Variants in ROR1 observed in about 807,000 individuals in gnomAD.
ROR1 encodes inactive tyrosine-protein kinase transmembrane receptor ROR1.
ROR1 carries 19 observed loss-of-function variants against 78.8 expected under a neutral mutation model. That is an observed-to-expected ratio of 0.24 (90% CI 0.17 to 0.35). The LOEUF (loss-of-function observed/expected upper bound fraction) is 0.35. ROR1 is among the 10% of genes least tolerant of loss of function. The probability of loss-of-function intolerance (pLI) is 1.00; values close to 1 mark genes in which losing one functional copy is unlikely to be tolerated. For synonymous variants in ROR1, 386 were observed against 433.6 expected (o/e 0.89, Z 1.36); for missense variants, 917 against 1,177.8 (o/e 0.78, Z 3.24).
At chr1:63,789,674 C>CTTTT (rs902307163) in intron 1 of ROR1, among the ~76,000 whole-genome samples, 19 of 102,598 alleles carry the variant, frequency 1.9e-4, no homozygotes, top group Admixed American at 3.1e-4. Flanking sequence ...CCTTCCTCTC[C>CTTTT]TTTTTTTTTT....
intron 1 of ROR1, among the ~76,000 whole-genome samples, chr1:63,806,539 G>A (rs535604521): frequency 1.6e-4 from 25 of 152,122 alleles, no homozygotes; most frequent in East Asian, 1.9e-4. Flanking sequence ...GGATGGTCTC[G>A]ATCTCCTGAC....
intron 1 of ROR1, among the ~76,000 whole-genome samples, chr1:63,909,707 T>TC (rs1168063762): frequency 1.3e-5 from 2 of 151,980 alleles, no homozygotes; most frequent in Non-Finnish European, 2.9e-5. Context: ...CCAGTTTTCT[T>TC]TTTTTTTAAA....
intron 1 of ROR1, among the ~76,000 whole-genome samples, chr1:63,964,396 C>T (rs776922079): frequency 5.3e-5 from 8 of 152,166 alleles, no homozygotes; most frequent in Non-Finnish European, 1.2e-4. Flanking sequence ...CATACATATA[C>T]CTACATATGT....
At chr1:64,082,520 C>T (rs1647112364) in intron 4 of ROR1, among the ~76,000 whole-genome samples, 1 of 152,158 alleles carries the variant, frequency 6.6e-6, no homozygotes, top group African/African-American at 2.4e-5. Context: ...TGAGATCTCT[C>T]TTCAAGAAAA....
At chr1:64,073,551 A>C (rs957550441) in intron 4 of ROR1, among the ~76,000 whole-genome samples, 1 of 152,302 alleles carries the variant, frequency 6.6e-6, no homozygotes, top group East Asian at 1.9e-4. Context: ...TTTCCACTAG[A>C]AATTCCCCAG....
chr1:64,177,244 G>A (rs900584228), intron 8 of ROR1, among the ~76,000 whole-genome samples, 184 bp from the exon 9 acceptor site: 8 of 152,216 alleles, frequency 5.3e-5, no homozygotes, highest in Non-Finnish European at 8.8e-5. Context: ...GGGTAGTGAT[G>A]GAAAGTTGTC....
At chr1:64,119,596 G>A (rs983619460) in intron 4 of ROR1, among the ~76,000 whole-genome samples, 18 of 143,228 alleles carry the variant, frequency 1.3e-4, no homozygotes, top group Admixed American at 5.9e-4. Flanking sequence ...CCCAGACTGC[G>A]CCATTGCACT....
chr1:63,944,267 C>T (rs1349656481), intron 1 of ROR1, among the ~76,000 whole-genome samples: 4 of 152,134 alleles, frequency 2.6e-5, no homozygotes, highest in African/African-American at 4.8e-5. Flanking sequence ...TACAGATTTC[C>T]CATTAAAAGG....
intron 1 of ROR1, among the ~76,000 whole-genome samples, chr1:63,972,088 T>A (rs1250798730): frequency 6.6e-6 from 1 of 152,210 alleles, no homozygotes; most frequent in East Asian, 1.9e-4. Flanking sequence ...AGTTTTTTCT[T>A]AGCACTCTAC....
At chr1:63,849,512 A>C (rs1448849107) in intron 1 of ROR1, among the ~76,000 whole-genome samples, 1 of 152,132 alleles carries the variant, frequency 6.6e-6, no homozygotes, top group African/African-American at 2.4e-5. Flanking sequence ...AGCCTTGGCA[A>C]CATAGTGACA....
chr1:64,117,401 A>G (rs929720391), intron 4 of ROR1, among the ~76,000 whole-genome samples: 2 of 152,186 alleles, frequency 1.3e-5, no homozygotes, highest in Non-Finnish European at 2.9e-5. Flanking sequence ...TCAATTTTCA[A>G]TTTGGCTTGG....
chr1:63,907,616 A>G (rs1176406820), intron 1 of ROR1, among the ~76,000 whole-genome samples: 1 of 152,222 alleles, frequency 6.6e-6, no homozygotes, highest in Non-Finnish European at 1.5e-5. Context: ...TCTAAAGTTC[A>G]CTGAGCCTTT....
At chr1:63,864,796 C>CTTT (rs757581149) in intron 1 of ROR1, among the ~76,000 whole-genome samples, 40 of 138,070 alleles carry the variant, frequency 2.9e-4, no homozygotes, top group African/African-American at 8.7e-4. Context: ...ATCTTTCAAT[C>CTTT]TTTTTTTTTT....
chr1:64,090,606 C>T (rs936393326), intron 4 of ROR1, among the ~76,000 whole-genome samples: 17 of 152,160 alleles, frequency 1.1e-4, no homozygotes, highest in African/African-American at 4.1e-4. Context: ...TCCGACCCCA[C>T]GTGGCCATTG....
intron 2 of ROR1, among the ~76,000 whole-genome samples, chr1:64,039,957 G>A (rs1336365166): frequency 6.6e-6 from 1 of 152,122 alleles, no homozygotes; most frequent in African/African-American, 2.4e-5. Flanking sequence ...CAGAAACTTT[G>A]CTTTTTTGTT....
intron 1 of ROR1, among the ~76,000 whole-genome samples, chr1:63,835,821 G>A (rs1350190365): frequency 6.6e-6 from 1 of 152,228 alleles, no homozygotes; most frequent in Non-Finnish European, 1.5e-5. Context: ...ATTTTTGCAA[G>A]TATTCAGATC....
chr1:64,158,434 C>CA (rs946209856), intron 7 of ROR1, among the ~76,000 whole-genome samples: 3 of 152,188 alleles, frequency 2.0e-5, no homozygotes, highest in African/African-American at 7.2e-5. Context: ...TTCAGGCCCC[C>CA]ATATTCTCAG....
chr1:64,117,417 G>GA (rs1329050311), intron 4 of ROR1, among the ~76,000 whole-genome samples: 2 of 151,890 alleles, frequency 1.3e-5, no homozygotes, highest in African/African-American at 2.4e-5. Flanking sequence ...CTTGGGTTAA[G>GA]AAAAAAAGTA....
intron 1 of ROR1, among the ~76,000 whole-genome samples, chr1:63,981,311 C>G (rs1311782349): frequency 6.6e-6 from 1 of 152,086 alleles, no homozygotes. Context: ...CAGCTCCTGC[C>G]CTGTCCTCAC....
Sources: gnomAD v4.1 joint callset for allele counts (sites outside exome capture counted in the v4.1 genomes callset) on GRCh38, gnomAD v4.1.1 for gene constraint, MANE v1.5 for transcripts, NCBI Gene and HGNC (gene_info 2026-07-23, HGNC 2026-07-21) for gene names.